CDH13: variants seen among roughly 807,000 people sequenced by gnomAD.
CDH13 encodes cadherin 13, also known as cadherin-13.
In CDH13, 24 loss-of-function variants were observed where a neutral mutation model predicts 63.8. The observed-to-expected ratio is 0.38, with a 90% CI of 0.27 to 0.53. CDH13 has a LOEUF of 0.53. CDH13 is among the 20% of genes least tolerant of loss of function. The probability of loss-of-function intolerance (pLI) is 0.85; values close to 1 mark genes in which losing one functional copy is unlikely to be tolerated. For synonymous variants in CDH13, 503 were observed against 355.3 expected, an observed-to-expected ratio of 1.42 and a Z score of -4.67; for missense variants, 1,049 against 903.1, an observed-to-expected ratio of 1.16 and a Z score of -2.07.
chr16:82,642,418 A>G (rs1251313337), intron 1 of CDH13, among the ~76,000 whole-genome samples: 3 of 152,236 alleles, frequency 2.0e-5, no homozygotes, highest in Admixed American at 2.0e-4. Flanking sequence ...GCAGTAATGT[A>G]CAGGGCATAA....
chr16:83,183,929 C>T (rs1263720124), intron 4 of CDH13, among the ~76,000 whole-genome samples: 1 of 152,066 alleles, frequency 6.6e-6, no homozygotes, highest in Non-Finnish European at 1.5e-5. Context: ...CTTTTCATCA[C>T]CACCCCAATC....
chr16:82,791,646 C>A (rs1226664412), intron 1 of CDH13, among the ~76,000 whole-genome samples: 2 of 152,182 alleles, frequency 1.3e-5, no homozygotes, highest in African/African-American at 4.8e-5. Flanking sequence ...TGACTTCCAC[C>A]CCTCTGGATC....
chr16:82,675,788 T>G (rs1567615570), intron 1 of CDH13, among the ~76,000 whole-genome samples: 1 of 152,182 alleles, frequency 6.6e-6, no homozygotes, highest in Non-Finnish European at 1.5e-5. Flanking sequence ...CCTCTGCCTT[T>G]AACACAAACA....
rs568148292 is a variant in CDH13, at chr16:82,663,015, T to A, written c.45+35878T>A. Among the ~76,000 whole-genome samples the A allele has an allele frequency of 3.3e-5, 5 of 152,304 alleles. No individual in the cohort carries two copies. In the South Asian group the frequency reaches 1.0e-3, roughly 32 times the overall value. ...GTTTCAGAAAGGGCTAGCTGACTTG[T>A]CTCTTCCTACATGTAGCAGGCCAGA... On this transcript the variant is annotated intron_variant, in intron 1 of 13. Coordinates refer to ENST00000567109, the MANE Select transcript of CDH13 (RefSeq NM_001257.5).
At chr16:83,200,069 C>G (rs1350876988) in intron 4 of CDH13, among the ~76,000 whole-genome samples, 1 of 152,158 alleles carries the variant, frequency 6.6e-6, no homozygotes, top group African/African-American at 2.4e-5. Context: ...GCGCCTCATT[C>G]CTTACCTGAT....
At chr16:83,050,075 A>C (rs1027217281) in intron 3 of CDH13, among the ~76,000 whole-genome samples, 5 of 152,116 alleles carry the variant, frequency 3.3e-5, no homozygotes, top group Non-Finnish European at 5.9e-5. Context: ...TCTTATCTGG[A>C]TTTCATTAAG....
At chr16:83,745,018 C>A (rs562076221) in intron 10 of CDH13, among the ~76,000 whole-genome samples, 133 of 152,272 alleles carry the variant, frequency 8.7e-4, no homozygotes, top group African/African-American at 3.1e-3. Flanking sequence ...GTTCACATAT[C>A]TCTAGGCCTC....
At chr16:83,014,213 T>TGC (rs994345737) in intron 2 of CDH13, among the ~76,000 whole-genome samples, 14 of 151,428 alleles carry the variant, frequency 9.2e-5, no homozygotes, top group Admixed American at 3.3e-4. Context: ...TGAAAAATTT[T>TGC]CAAACTAATA....
rs143680430 is a variant in CDH13 at position 82,910,815 on chromosome 16, T to G, written c.157+52342T>G. Among the ~76,000 whole-genome samples the G allele has an allele frequency of 4.2e-3, 633 of 152,326 alleles. 16 individuals carry two copies. The highest frequency in any genetic ancestry group is 0.03 in the Admixed American group (452 of 15,304). On this transcript the variant is annotated intron_variant, in intron 2 of 13. Transcript: ENST00000567109. ...AGAGAATGGGATTTCCAAAGCCATA[T>G]TGTCCCTTTCAGAGCACAGTGAGGG...
intron 4 of CDH13, among the ~76,000 whole-genome samples, chr16:83,204,465 G>A (rs529580410): frequency 3.4e-4 from 52 of 152,280 alleles, no homozygotes; most frequent in African/African-American, 1.3e-3. Flanking sequence ...AAACTGTTGA[G>A]CATATTTATG....
intron 8 of CDH13, among the ~76,000 whole-genome samples, chr16:83,607,177 G>A (rs1240399880): frequency 6.6e-6 from 1 of 152,154 alleles, no homozygotes; most frequent in Non-Finnish European, 1.5e-5. Context: ...CAGCACTCCG[G>A]GAGGCCGAGG....
chr16:83,341,206 A>C (rs1461865442), intron 5 of CDH13, among the ~76,000 whole-genome samples: 1 of 152,222 alleles, frequency 6.6e-6, no homozygotes, highest in Admixed American at 6.5e-5. Context: ...AACAAGCATT[A>C]TTCCAGTCTT....
chr16:82,770,649 A>G (rs2035224756), intron 1 of CDH13, among the ~76,000 whole-genome samples: 1 of 152,208 alleles, frequency 6.6e-6, no homozygotes, highest in Admixed American at 6.5e-5. Flanking sequence ...ACTGCATAAT[A>G]TTCTTCCATT....
At chr16:82,799,053 C>G (rs948018908) in intron 1 of CDH13, among the ~76,000 whole-genome samples, 5 of 152,068 alleles carry the variant, frequency 3.3e-5, no homozygotes, top group Non-Finnish European at 7.4e-5. Context: ...CCTCTTAGGA[C>G]TATTCAAACC....
At chr16:82,656,355 G>A (rs1050960751) in intron 1 of CDH13, among the ~76,000 whole-genome samples, 10 of 151,896 alleles carry the variant, frequency 6.6e-5, no homozygotes, top group African/African-American at 2.4e-4. Context: ...GTGATGAGAT[G>A]AGGGGCTAGA....
intron 7 of CDH13, among the ~76,000 whole-genome samples, chr16:83,526,800 C>T (rs1181416619): frequency 2.0e-5 from 3 of 152,212 alleles, no homozygotes; most frequent in Non-Finnish European, 4.4e-5. Context: ...AAACTGCTGG[C>T]AATCCCAGTA....
At chr16:82,838,184 G>C (rs140161514) in intron 1 of CDH13, among the ~76,000 whole-genome samples, 1 of 152,154 alleles carries the variant, frequency 6.6e-6, no homozygotes, top group African/African-American at 2.4e-5. Context: ...AGATGCTTGC[G>C]TGTTCCCATC....
In CDH13 at chr16:82,973,494, G is replaced by A. The variant is rs371069851; in HGVS notation, c.158-58516G>A. 8.5e-5 allele frequency among the ~76,000 whole-genome samples: 13 copies of A among 152,272 alleles called. No homozygotes were observed. In the East Asian group the frequency reaches 1.5e-3, roughly 18 times the overall value. ...ATATTAGGCACCTACTGTGAGGCAG[G>A]CATTGTGCTGCTCTTGAAAGATACA... On this transcript the variant is annotated intron_variant, in intron 2 of 13. Transcript: ENST00000567109.
chr16:82,651,670 C>G (rs1395940337), intron 1 of CDH13, among the ~76,000 whole-genome samples: 1 of 152,190 alleles, frequency 6.6e-6, no homozygotes, highest in Admixed American at 6.5e-5. Flanking sequence ...GGTAGGTACG[C>G]CATTGGAACA....
Sources: gnomAD v4.1 joint callset for allele counts (sites outside exome capture counted in the v4.1 genomes callset) on GRCh38, gnomAD v4.1.1 for gene constraint, MANE v1.5 for transcripts, NCBI Gene and HGNC (gene_info 2026-07-23, HGNC 2026-07-21) for gene names.